Variants in AFDN observed in about 807,000 individuals in gnomAD.
The protein encoded by AFDN is afadin, adherens junction formation factor.
Under a neutral mutation model 216.6 loss-of-function variants are expected in AFDN, and 68 were observed. The observed-to-expected ratio is 0.31, with a 90% CI of 0.26 to 0.38. The LOEUF is 0.38. Ranked by LOEUF, AFDN falls within the 10% of genes least tolerant of loss-of-function variation. The probability of loss-of-function intolerance (pLI) is 1.00; values close to 1 mark genes in which losing one functional copy is unlikely to be tolerated. For missense variants in AFDN, 2,136 were observed against 2,342.0 expected (o/e 0.91, Z 1.82); for synonymous variants, 868 against 853.7 (o/e 1.02, Z -0.29).
chr6:167,920,643 C>T (rs986466920), intron 21 of AFDN, among the ~76,000 whole-genome samples: 1 of 152,206 alleles, frequency 6.6e-6, no homozygotes, highest in African/African-American at 2.4e-5. Flanking sequence ...CTTCCTCTGT[C>T]ATGTGTGGGA....
At chr6:167,946,364 G>A (rs990615251) in intron 26 of AFDN, among the ~76,000 whole-genome samples, 1 of 152,114 alleles carries the variant, frequency 6.6e-6, no homozygotes, top group African/African-American at 2.4e-5. Flanking sequence ...GCGATTAAAA[G>A]TTCAGATATT....
At chr6:167,960,357 A>G (rs1201242679) in intron 30 of AFDN, among the ~76,000 whole-genome samples, 1 of 151,856 alleles carries the variant, frequency 6.6e-6, no homozygotes, top group African/African-American at 2.4e-5. Flanking sequence ...AGAGGTTTTT[A>G]AGAAGAAAAT....
chr6:167,958,439 G>T (rs1337666052), intron 30 of AFDN, among the ~76,000 whole-genome samples: 1 of 152,128 alleles, frequency 6.6e-6, no homozygotes, highest in East Asian at 1.9e-4. Flanking sequence ...GCCTCTTTTT[G>T]TAACACTGTA....
chr6:167,913,544 A>C, intron 16 of AFDN, 121 bp downstream of exon 16: 1 of 894,464 alleles, frequency 1.1e-6, no homozygotes, highest in African/African-American at 1.7e-5. Flanking sequence ...TCATTCAGCA[A>C]CTGAGACATG....
intron 1 of AFDN, among the ~76,000 whole-genome samples, chr6:167,860,687 C>T (rs1263157246): frequency 1.3e-5 from 2 of 152,300 alleles, no homozygotes; most frequent in African/African-American, 2.4e-5. Context: ...TGTCCTGTTG[C>T]AGCCCCCCAG....
chr6:167,871,367 C>G, intron 3 of AFDN, among the ~76,000 whole-genome samples: 1 of 152,186 alleles, frequency 6.6e-6, no homozygotes, highest in East Asian at 1.9e-4. Flanking sequence ...AGCAGATGCT[C>G]TTTCATTCTG....
intron 4 of AFDN, among the ~76,000 whole-genome samples, chr6:167,873,421 A>G (rs1260671893): frequency 3.3e-5 from 5 of 152,260 alleles, no homozygotes; most frequent in African/African-American, 1.2e-4. Context: ...TAGTTCTTCC[A>G]TAATTTATGT....
intron 5 of AFDN, among the ~76,000 whole-genome samples, chr6:167,877,918 A>G (rs966325639): frequency 6.6e-6 from 1 of 152,124 alleles, no homozygotes; most frequent in Non-Finnish European, 1.5e-5. Flanking sequence ...AGGCATCACA[A>G]TTCATAACAA....
rs555104014 is a variant in AFDN at position 167,827,293 on chromosome 6, G to T, written c.105+56G>T. 8.6e-3 allele frequency: 6,076 copies of T among 706,728 alleles called. 363 individuals are homozygous for T. The African/African-American group carries it at 0.14, about 17-fold the overall frequency. The allele number at this position is 706,728 out of a possible 1,614,324, so 43.8% of individuals were successfully genotyped here. On this transcript the variant is annotated intron_variant, in intron 1 of 33. Coordinates refer to ENST00000683244, the MANE Select transcript of AFDN (RefSeq NM_001386888.1). ...ACCCCCGCCCGCTGCGCCGCGCCCCGCCCCTCCCCCCCGCCGCCGCCCGCC... is the reference window on the plus strand; with the variant it reads ...ACCCCCGCCCGCTGCGCCGCGCCCCTCCCCTCCCCCCCGCCGCCGCCCGCC...
chr6:167,911,479 G>T lies in AFDN; in HGVS notation c.2027G>T (p.Gly676Val). ...VVNKMVSMME[G>V]VIQEVDQVDQ... ...AACAAGATGGTGAGCATGATGGAGG[G>T]TGTCATCCAGGTACGTTCCAGCCGG... The change falls in exon 15 of 34, where the codon GGT (glycine) becomes GTT (valine). Residue 676 changes from glycine to valine, a missense_variant. This residue lies in a region of AFDN where 817 missense variants were observed against 965.7 expected (regional missense o/e 0.85). Transcript: ENST00000683244. 6.2e-7 allele frequency: 1 copy of T among 1,614,100 alleles called. No homozygotes were observed. The highest frequency in any genetic ancestry group is 8.5e-7 in the Non-Finnish European group (1 of 1,179,978).
At chr6:167,914,839 T>C (rs989257086) in intron 18 of AFDN, 101 bp downstream of exon 18, 1 of 789,790 alleles carries the variant, frequency 1.3e-6, no homozygotes, top group Non-Finnish European at 2.0e-6. Flanking sequence ...TTAAAATAAA[T>C]GGGATGTCCT....
At chr6:167,927,972 A>G (rs1360558993) in intron 23 of AFDN, among the ~76,000 whole-genome samples, 1 of 151,986 alleles carries the variant, frequency 6.6e-6, no homozygotes, top group Non-Finnish European at 1.5e-5. Flanking sequence ...TAACCTCCAT[A>G]TTTTCTGTTA....
intron 30 of AFDN, among the ~76,000 whole-genome samples, chr6:167,956,338 G>A (rs1233947915): frequency 6.6e-6 from 1 of 152,014 alleles, no homozygotes; most frequent in Non-Finnish European, 1.5e-5. Context: ...AAATGAGGCA[G>A]GTCTTTTCCT....
chr6:167,859,880 T>G (rs1304607113), intron 1 of AFDN, among the ~76,000 whole-genome samples: 4 of 151,892 alleles, frequency 2.6e-5, no homozygotes, highest in Non-Finnish European at 4.4e-5. Flanking sequence ...GTTTCAGTAA[T>G]CATTGGTGAT....
At chr6:167,860,231 C>CAT (rs1323633405) in intron 1 of AFDN, among the ~76,000 whole-genome samples, 1 of 124,884 alleles carries the variant, frequency 8.0e-6, no homozygotes, top group African/African-American at 3.0e-5. Flanking sequence ...TTGGCTGCAA[C>CAT]ATATTAGACT....
At chr6:167,907,932 T>C (rs1789915618) in intron 13 of AFDN, among the ~76,000 whole-genome samples, 1 of 152,208 alleles carries the variant, frequency 6.6e-6, no homozygotes, top group South Asian at 2.1e-4. Flanking sequence ...CAGAGTAATA[T>C]CTTTGCATTA....
chr6:167,878,890 C>A lies in AFDN; in HGVS notation c.740-1470C>A, dbSNP rs139444128. On this transcript the variant is annotated intron_variant, in intron 5 of 33. Transcript: ENST00000683244. ...ACATGGCCACTTCTGTCTGGTTGTTCAGGTCTGAGTTCAAATGTTTATTCT... is the reference window on the plus strand; with the variant it reads ...ACATGGCCACTTCTGTCTGGTTGTTAAGGTCTGAGTTCAAATGTTTATTCT... Among the ~76,000 whole-genome samples the A allele has an allele frequency of 4.6e-4, 70 of 152,290 alleles. 1 individual carries two copies. The East Asian group carries it at 0.012, about 26-fold the overall frequency.
At chr6:167,935,714 CTATT>C (rs1482560509) in intron 23 of AFDN, among the ~76,000 whole-genome samples, 2 of 152,194 alleles carry the variant, frequency 1.3e-5, no homozygotes, top group Admixed American at 6.5e-5. Context: ...ATCCTTAAAA[CTATT>C]TAGCCTTTCT....
chr6:167,949,823 A>G (rs1220983475), intron 29 of AFDN, among the ~76,000 whole-genome samples: 5 of 148,076 alleles, frequency 3.4e-5, no homozygotes, highest in Non-Finnish European at 5.9e-5. Flanking sequence ...CTTCACATTT[A>G]TAGTATACAG....
Sources: allele counts gnomAD v4.1 joint callset (sites outside exome capture counted in the v4.1 genomes callset), GRCh38; gene constraint gnomAD v4.1.1; regional missense constraint gnomAD v4.1.1; transcripts MANE v1.5; gene names NCBI Gene and HGNC (gene_info 2026-07-23, HGNC 2026-07-21).